MYO1D: variants seen among roughly 807,000 people sequenced by gnomAD.
MYO1D encodes myosin ID, also known as unconventional myosin-Id.
MYO1D carries 83 observed loss-of-function variants against 122.0 expected under a neutral mutation model. The observed-to-expected ratio is 0.68, with a 90% CI of 0.57 to 0.82. MYO1D has a LOEUF of 0.82. Ranked by LOEUF, MYO1D falls within the 40% of genes least tolerant of loss-of-function variation. MYO1D has a pLI of 0.00. For missense variants in MYO1D, 1,157 were observed against 1,269.5 expected, an observed-to-expected ratio of 0.91 and a Z score of 1.35; for synonymous variants, 464 against 446.9, an observed-to-expected ratio of 1.04 and a Z score of -0.48.
chr17:32,624,213 T>A (rs1414191490), intron 20 of MYO1D, among the ~76,000 whole-genome samples: 1 of 148,212 alleles, frequency 6.7e-6, no homozygotes, highest in African/African-American at 2.5e-5. Flanking sequence ...ATTTTTTCTT[T>A]AAGTTTTTTT....
chr17:32,663,063 A>G (rs1278686415), intron 16 of MYO1D, among the ~76,000 whole-genome samples: 5 of 151,816 alleles, frequency 3.3e-5, no homozygotes, highest in African/African-American at 4.8e-5. Flanking sequence ...GACTATAGGC[A>G]CCTGCCACCA....
At chr17:32,624,090 A>G (rs1777373944) in intron 20 of MYO1D, among the ~76,000 whole-genome samples, 1 of 152,176 alleles carries the variant, frequency 6.6e-6, no homozygotes, top group South Asian at 2.1e-4. Flanking sequence ...CCAACTTTTA[A>G]CAGATGTTTC....
At chr17:32,806,429 A>G (rs1241952430) in intron 1 of MYO1D, among the ~76,000 whole-genome samples, 2 of 152,210 alleles carry the variant, frequency 1.3e-5, no homozygotes, top group Non-Finnish European at 2.9e-5. Flanking sequence ...TTAATCTGTG[A>G]AAAGTGAATC....
chr17:32,792,330 G>A (rs781695127), intron 1 of MYO1D: 6 of 152,142 alleles, frequency 3.9e-5, no homozygotes, highest in Non-Finnish European at 8.8e-5. Context: ...TGTTTCATGG[G>A]TGTGGGTTTT....
chr17:32,605,247 A>T lies in MYO1D; in HGVS notation c.2710-6T>A. The T allele has an allele frequency of 4.5e-6, 7 of 1,540,052 alleles. No homozygotes were observed. The highest frequency in any genetic ancestry group is 6.2e-6 in the Non-Finnish European group (7 of 1,131,560). On this transcript the variant is annotated splice_region_variant and splice_polypyrimidine_tract_variant and intron_variant, in intron 20 of 21. Coordinates refer to ENST00000318217, the MANE Select transcript of MYO1D (RefSeq NM_015194.3). ...GAGACACTCAGACCAGTCAACTGCA[A>T]AGAGAAAATGCATGGAAAACTATTT... is the stretch of plus-strand genomic sequence containing the variant.
chr17:32,524,670 C>G (rs573115596), intron 21 of MYO1D, among the ~76,000 whole-genome samples: 3 of 149,588 alleles, frequency 2.0e-5, no homozygotes, highest in East Asian at 3.9e-4. Context: ...TCAAGCGATT[C>G]TCCTGCCTCA....
chr17:32,692,582 C>T (rs1411648315), intron 16 of MYO1D, among the ~76,000 whole-genome samples: 2 of 152,130 alleles, frequency 1.3e-5, no homozygotes, highest in Non-Finnish European at 2.9e-5. Flanking sequence ...AAAATATTTT[C>T]ATCATTGCCT....
At chr17:32,544,338 C>T (rs984257341) in intron 21 of MYO1D, among the ~76,000 whole-genome samples, 26 of 151,660 alleles carry the variant, frequency 1.7e-4, no homozygotes, top group Admixed American at 2.6e-4. Context: ...TAGGTTCAAG[C>T]GATCTTCCTG....
chr17:32,799,786 C>T (rs1435861332), intron 1 of MYO1D, among the ~76,000 whole-genome samples: 1 of 151,960 alleles, frequency 6.6e-6, no homozygotes, highest in South Asian at 2.1e-4. Context: ...AACATACCTA[C>T]AAATTGTACT....
At chr17:32,649,287 A>G (rs1304233082) in intron 19 of MYO1D, among the ~76,000 whole-genome samples, 2 of 152,132 alleles carry the variant, frequency 1.3e-5, no homozygotes, top group African/African-American at 2.4e-5. Flanking sequence ...AGCCATCACC[A>G]CTATCTTTCT....
At chr17:32,773,070 CA>C (rs1480040526) in intron 4 of MYO1D, among the ~76,000 whole-genome samples, 1 of 152,212 alleles carries the variant, frequency 6.6e-6, no homozygotes, top group African/African-American at 2.4e-5. Flanking sequence ...CTTGGGAGAT[CA>C]ATCCCCTGTC....
Position 32,808,218 on chromosome 17 carries a change from T to A in MYO1D, c.96-27434A>T, listed in dbSNP as rs1337488074. On this transcript the variant is annotated intron_variant, in intron 1 of 21. Transcript: ENST00000318217. Reference sequence around the variant, plus strand: ...GTAAAACCTTGTCTCCGCAAAAAAATTTAAAAATTACCCAGGCATGGTGGT... The same window carrying A: ...GTAAAACCTTGTCTCCGCAAAAAAAATTAAAAATTACCCAGGCATGGTGGT... 2.0e-5 allele frequency among the ~76,000 whole-genome samples: 3 copies of A among 151,704 alleles called. 1 individual carries two copies. The highest frequency in any genetic ancestry group is 4.4e-5 in the Non-Finnish European group (3 of 67,904).
chr17:32,612,817 G>T (rs2087720148), intron 20 of MYO1D, among the ~76,000 whole-genome samples: 1 of 151,750 alleles, frequency 6.6e-6, no homozygotes, highest in African/African-American at 2.4e-5. Context: ...TGCCCAGGCT[G>T]GAGTGCAGTG....
intron 1 of MYO1D, among the ~76,000 whole-genome samples, chr17:32,811,255 A>G (rs1388162882): frequency 1.3e-5 from 2 of 152,240 alleles, no homozygotes; most frequent in Non-Finnish European, 2.9e-5. Flanking sequence ...CATTTAAAAC[A>G]TAACTCAAGT....
At chr17:32,821,918 T>G (rs1412045385) in intron 1 of MYO1D, among the ~76,000 whole-genome samples, 1 of 152,172 alleles carries the variant, frequency 6.6e-6, no homozygotes, top group Non-Finnish European at 1.5e-5. Flanking sequence ...ACTTTTACAC[T>G]GTTGATGGGA....
chr17:32,612,682 C>CAAA (rs1262090966), intron 20 of MYO1D, among the ~76,000 whole-genome samples: 34 of 23,280 alleles, frequency 1.5e-3, no homozygotes, highest in African/African-American at 2.3e-3. Flanking sequence ...AGACCCATCT[C>CAAA]AAAAAAAAAA....
chr17:32,638,667 G>T, intron 20 of MYO1D, 55 bp downstream of exon 20: 1 of 1,241,246 alleles, frequency 8.1e-7, no homozygotes, highest in Non-Finnish European at 1.2e-6. Flanking sequence ...CCCATTAGTG[G>T]TCCATGAGCA....
intron 21 of MYO1D, among the ~76,000 whole-genome samples, chr17:32,533,345 C>T (rs1910569084): frequency 6.6e-6 from 1 of 152,140 alleles, no homozygotes; most frequent in African/African-American, 2.4e-5. Flanking sequence ...TCACCTCCTT[C>T]CCACTCCACA....
At chr17:32,670,009 C>T (rs2088690603) in intron 16 of MYO1D, among the ~76,000 whole-genome samples, 1 of 151,780 alleles carries the variant, frequency 6.6e-6, no homozygotes, top group African/African-American at 2.4e-5. Flanking sequence ...TCTCTTGTCT[C>T]AACCTCCTGA....
Sources: gnomAD v4.1 joint callset for allele counts (sites outside exome capture counted in the v4.1 genomes callset) on GRCh38, gnomAD v4.1.1 for gene constraint, MANE v1.5 for transcripts, NCBI Gene and HGNC (gene_info 2026-07-23, HGNC 2026-07-21) for gene names.